RFX8: variants seen among roughly 807,000 people sequenced by gnomAD.
The protein encoded by RFX8 is DNA-binding protein RFX8.
A neutral mutation model predicts 54.6 loss-of-function variants in RFX8; 46 were observed. The observed-to-expected ratio is 0.84, with a 90% CI of 0.67 to 1.08. The LOEUF (loss-of-function observed/expected upper bound fraction) is 1.08, where lower values mean the gene tolerates loss of function less well. Ranked by LOEUF, RFX8 falls within the 50% of genes least tolerant of loss-of-function variation. The pLI is 0.00. For synonymous variants in RFX8, 192 were observed against 209.5 expected, an observed-to-expected ratio of 0.92 and a Z score of 0.72; for missense variants, 536 against 562.3, an observed-to-expected ratio of 0.95 and a Z score of 0.47.
At chr2:101,470,615 G>A (rs1453741576) in intron 1 of RFX8, among the ~76,000 whole-genome samples, 1 of 150,532 alleles carries the variant, frequency 6.6e-6, no homozygotes, top group Non-Finnish European at 1.5e-5. Context: ...GACCGTTCAT[G>A]ATGTTCTCCT....
intron 2 of RFX8, among the ~76,000 whole-genome samples, chr2:101,448,830 C>G (rs1688532239): frequency 6.6e-6 from 1 of 152,188 alleles, no homozygotes; most frequent in Non-Finnish European, 1.5e-5. Context: ...ATGCAGGGCT[C>G]CAAGTGAAAT....
intron 11 of RFX8, among the ~76,000 whole-genome samples, chr2:101,400,332 C>T (rs1685357250): frequency 6.6e-6 from 1 of 152,268 alleles, no homozygotes; most frequent in South Asian, 2.1e-4. Context: ...GCGAGAATGC[C>T]CCATCTCCAT....
At chr2:101,432,306 G>T (rs1687530142) in intron 2 of RFX8, among the ~76,000 whole-genome samples, 1 of 152,206 alleles carries the variant, frequency 6.6e-6, no homozygotes, top group Non-Finnish European at 1.5e-5. Context: ...TGGGCTACAA[G>T]GCAGGTGAGC....
chr2:101,417,669 G>C lies in RFX8; in HGVS notation c.367C>G (p.Leu123Val). ...ACATCTTCCAAGAAGTCATGAAGGA[G>C]AACATCCTCAATTCCCTACAACAAA... is the stretch of plus-strand genomic sequence containing the variant. Reference protein sequence around the residue: ...VQLYKGIEDVLLHDFLEDVSI... With the variant: ...VQLYKGIEDVVLHDFLEDVSI... Residue 123 changes from leucine to valine, a missense_variant, in exon 6 of 12, where the codon CTC (leucine) becomes GTC (valine). Coordinates refer to ENST00000428343, the MANE Select transcript of RFX8 (RefSeq NM_001145664.2). 1.3e-6 allele frequency: 2 copies of C among 1,548,892 alleles called. No homozygotes were observed. The highest frequency in any genetic ancestry group is 1.7e-4 in the Middle Eastern group (1 of 5,972).
chr2:101,418,904 A>G lies in RFX8; in HGVS notation c.298T>C (p.Ser100Pro), dbSNP rs1321944561. Residue 100 changes from serine (S) to proline (P), a missense_variant, in exon 5 of 12, where the codon TCA (serine) becomes CCA (proline). Physicochemically the swap from Ser to Pro is moderately conservative, Grantham distance 74. Transcript: ENST00000428343. Reference sequence around the variant, plus strand: ...AAGAGCTGGCACACGTCAGGCAATGACATCAGCATGACTGTGTCTTGCTGC... The same window carrying G: ...AAGAGCTGGCACACGTCAGGCAATGGCATCAGCATGACTGTGTCTTGCTGC... ...SLQQDTVMLM[S>P]LPDVCQLFKC... The G allele has an allele frequency of 1.3e-6, 2 of 1,551,642 alleles. No individual in the cohort carries two copies. Among genetic ancestry groups the G allele is most frequent in the East Asian group, 2.4e-5 (1 of 40,928 alleles).
intron 2 of RFX8, among the ~76,000 whole-genome samples, chr2:101,427,933 A>G (rs1030230843): frequency 2.6e-5 from 4 of 152,208 alleles, no homozygotes; most frequent in Non-Finnish European, 5.9e-5. Flanking sequence ...ACACTTGTCA[A>G]CAAGACAGTA....
intron 2 of RFX8, among the ~76,000 whole-genome samples, chr2:101,454,582 C>T (rs576648946): frequency 6.6e-6 from 1 of 152,248 alleles, no homozygotes; most frequent in South Asian, 2.1e-4. Flanking sequence ...TTTTAATGAT[C>T]GTTATTCTAA....
At chr2:101,411,269 A>G (rs1437162014) in intron 8 of RFX8, among the ~76,000 whole-genome samples, 2 of 152,362 alleles carry the variant, frequency 1.3e-5, no homozygotes, top group Non-Finnish European at 2.9e-5. Context: ...GTGCTTCTGC[A>G]TACCAAGCAG....
intron 5 of RFX8, among the ~76,000 whole-genome samples, chr2:101,417,960 G>A (rs753457660): frequency 3.9e-5 from 6 of 152,148 alleles, no homozygotes; most frequent in South Asian, 4.2e-4. Flanking sequence ...GCATGATCTC[G>A]GCTCACTGCA....
chr2:101,400,196 A>G (rs946953285), intron 11 of RFX8, among the ~76,000 whole-genome samples: 1 of 152,232 alleles, frequency 6.6e-6, no homozygotes, highest in Non-Finnish European at 1.5e-5. Flanking sequence ...CTGACTAGGA[A>G]GCATGTGTAT....
At position 101,475,047 on chromosome 2, in the gene RFX8, A is replaced by G. The variant is rs1228115599; in HGVS notation, c.-464T>C. On this transcript the variant is annotated 5_prime_UTR_variant, in exon 1 of 12. It removes an upstream start codon present in the reference 5' UTR. Transcript: ENST00000428343. ...CTGCCAGTCCTTGCTCTCAAGAGCC[A>G]TTTATGTCAGTGTCATTGCTGTGTG... is the stretch of plus-strand genomic sequence containing the variant. 2.6e-5 allele frequency among the ~76,000 whole-genome samples: 4 copies of G among 152,188 alleles called. No homozygotes were observed. The highest frequency in any genetic ancestry group is 2.6e-4 in the Admixed American group (4 of 15,278).
intron 2 of RFX8, among the ~76,000 whole-genome samples, chr2:101,447,148 T>C (rs1222489516): frequency 1.3e-5 from 2 of 152,142 alleles, no homozygotes; most frequent in African/African-American, 4.8e-5. Context: ...AACTGCCAGA[T>C]CCTGAAGACC....
chr2:101,418,824 A>T (rs1686688340), intron 5 of RFX8, 27 bp downstream of exon 5: 1 of 1,380,960 alleles, frequency 7.2e-7, no homozygotes, highest in Non-Finnish European at 1.0e-6. Context: ...CAAAGGATAT[A>T]CTCTAGAGAC....
intron 2 of RFX8, among the ~76,000 whole-genome samples, chr2:101,461,279 A>AAAAAAAAG (rs1553459153): frequency 5.6e-5 from 7 of 124,810 alleles, no homozygotes; most frequent in East Asian, 2.2e-4. Context: ...AAAAAAAAAA[A>AAAAAAAAG]AAAGAAAGAA....
At chr2:101,424,606 T>C (rs1445446983) in intron 2 of RFX8, among the ~76,000 whole-genome samples, 1 of 152,166 alleles carries the variant, frequency 6.6e-6, no homozygotes, top group African/African-American at 2.4e-5. Context: ...AGCAAAGACT[T>C]GGAACCAACC....
At chr2:101,422,194 T>C (rs1031261143) in intron 3 of RFX8, among the ~76,000 whole-genome samples, 168 bp downstream of exon 3, 11 of 152,194 alleles carry the variant, frequency 7.2e-5, no homozygotes, top group African/African-American at 1.7e-4. Context: ...AACCCTGAAC[T>C]TGCTGAGCAC....
intron 11 of RFX8, among the ~76,000 whole-genome samples, chr2:101,401,941 G>A (rs1685463097): frequency 6.6e-6 from 1 of 152,134 alleles, no homozygotes; most frequent in South Asian, 2.1e-4. Flanking sequence ...TATTCTATAG[G>A]ATGGCATGGC....
chr2:101,424,052 A>C (rs1258738919), intron 2 of RFX8, among the ~76,000 whole-genome samples: 1 of 152,204 alleles, frequency 6.6e-6, no homozygotes, highest in Non-Finnish European at 1.5e-5. Context: ...TGCCACGTTA[A>C]AACTTCCCCC....
At chr2:101,419,911 T>C (rs1686763600) in intron 4 of RFX8, among the ~76,000 whole-genome samples, 1 of 141,134 alleles carries the variant, frequency 7.1e-6, no homozygotes, top group Non-Finnish European at 1.6e-5. Context: ...GGAAGGGGGG[T>C]CTGGGTGGAG....
Sources: allele counts gnomAD v4.1 joint callset (sites outside exome capture counted in the v4.1 genomes callset), GRCh38; gene constraint gnomAD v4.1.1; transcripts MANE v1.5; gene names NCBI Gene and HGNC (gene_info 2026-07-23, HGNC 2026-07-21).